The following CFAP92 variants were observed in gnomAD, a reference collection of about 807,000 sequenced individuals.
CFAP92 encodes the protein uncharacterized protein CFAP92.
A neutral mutation model predicts 106.3 loss-of-function variants in CFAP92; 86 were observed. The ratio of observed to expected loss-of-function variants is 0.81; its 90% CI spans 0.68 to 0.97. The LOEUF (loss-of-function observed/expected upper bound fraction) is 0.97. CFAP92 is among the 50% of genes least tolerant of loss of function. CFAP92 has a pLI of 0.00. For missense variants in CFAP92, 1,204 were observed against 1,283.8 expected (o/e 0.94, Z 0.95); for synonymous variants, 477 against 506.4 (o/e 0.94, Z 0.78).
upstream of CFAP92, among the ~76,000 whole-genome samples, chr3:128,998,175 T>C (rs892587789): frequency 6.6e-6 from 1 of 152,250 alleles, no homozygotes; most frequent in African/African-American, 2.4e-5. Flanking sequence ...TGTTAAGAGT[T>C]CATTGTAAAT....
At chr3:128,915,036 A>G in intron 15 of CFAP92, 83 bp downstream of exon 15, 1 of 1,349,478 alleles carries the variant, frequency 7.4e-7, no homozygotes, top group Non-Finnish European at 1.0e-6. Flanking sequence ...CAAAATGGAT[A>G]CCACTGAAGA....
the CFAP92 span, among the ~76,000 whole-genome samples, chr3:129,022,943 A>C: frequency 0.13 from 19,400 of 152,274 alleles, 1,574 homozygotes; most frequent in South Asian, 0.26. Context: ...GGAGCTGAGA[A>C]GTCTCCAACT....
intron 7 of CFAP92, 55 bp downstream of exon 7, chr3:128,975,724 T>C (rs1943112161): frequency 7.5e-7 from 1 of 1,342,264 alleles, no homozygotes; most frequent in African/African-American, 1.5e-5. Flanking sequence ...AAATATTTCA[T>C]AATTATTCCA....
At chr3:128,930,685 A>G (rs1027741247) in intron 12 of CFAP92, among the ~76,000 whole-genome samples, 3 of 152,036 alleles carry the variant, frequency 2.0e-5, no homozygotes, top group African/African-American at 7.2e-5. Context: ...TGGGAGGCAG[A>G]TACCGCAGTG....
chr3:129,021,149 C>T, the CFAP92 span, among the ~76,000 whole-genome samples: 1 of 152,190 alleles, frequency 6.6e-6, no homozygotes, highest in African/African-American at 2.4e-5. Flanking sequence ...TATGACCAAG[C>T]ATCACCCCAA....
intron 15 of CFAP92, chr3:128,914,753 G>A: frequency 5.2e-6 from 1 of 193,540 alleles, no homozygotes; most frequent in Non-Finnish European, 1.1e-5. Flanking sequence ...GAAGCCCAGA[G>A]CCTCTGCCCC....
Position 128,910,641 on chromosome 3 carries a change from C to A in CFAP92, c.3281-308G>T, listed in dbSNP as rs148698216. The A allele has an allele frequency of 7.4e-5, 98 of 1,321,810 alleles. No homozygotes were observed. In the African/African-American group the frequency reaches 1.2e-3, roughly 17 times the overall value. The allele number at this position is 1,321,810 out of a possible 1,614,324, so 81.9% of individuals were successfully genotyped here. ...ACTCCTGTGCCAGGCCTTGTGACCCCTGCCATGCTACCCAGTTTGGCTGAT... is the reference window on the plus strand; with the variant it reads ...ACTCCTGTGCCAGGCCTTGTGACCCATGCCATGCTACCCAGTTTGGCTGAT... On this transcript the variant is annotated intron_variant, in intron 15 of 15. Coordinates refer to ENST00000645291, the MANE Select transcript of CFAP92 (RefSeq NM_001394090.1).
chr3:128,917,216 TTCAA>T (rs1936891300), intron 12 of CFAP92, among the ~76,000 whole-genome samples: 1 of 152,228 alleles, frequency 6.6e-6, no homozygotes, highest in Non-Finnish European at 1.5e-5. Flanking sequence ...CACATGGAAC[TTCAA>T]TCAATATTTC....
chr3:128,927,723 C>CA (rs569749049), intron 12 of CFAP92, among the ~76,000 whole-genome samples: 27,164 of 107,480 alleles, frequency 0.25, 3,233 homozygotes, highest in South Asian at 0.38. Context: ...GACTCTGTCT[C>CA]AAAAAAAAAA....
intron 9 of CFAP92, among the ~76,000 whole-genome samples, chr3:128,959,398 C>A (rs959948651): frequency 3.3e-5 from 5 of 151,916 alleles, no homozygotes; most frequent in African/African-American, 1.2e-4. Flanking sequence ...AACTACCAGT[C>A]ATGTGTAAGG....
upstream of CFAP92, among the ~76,000 whole-genome samples, chr3:129,003,087 A>G (rs528689288): frequency 6.6e-6 from 1 of 152,340 alleles, no homozygotes; most frequent in East Asian, 1.9e-4. Context: ...ACAACAGGCC[A>G]GGAAGAAACT....
At chr3:129,002,567 A>C (rs1944843798) in intron 1 of CFAP92, 2 of 677,350 alleles carry the variant, frequency 3.0e-6, no homozygotes, top group Non-Finnish European at 4.4e-6. Context: ...CACTCAAACA[A>C]CCATACCCCA....
At position 128,909,939 on chromosome 3, in the gene CFAP92, G is replaced by A; in HGVS notation, c.*360C>T. 6.3e-7 allele frequency: 1 copy of A among 1,579,176 alleles called. No individual in the cohort carries two copies. Among genetic ancestry groups the A allele is most frequent in the Non-Finnish European group, 8.6e-7 (1 of 1,160,820 alleles). On this transcript the variant is annotated 3_prime_UTR_variant, in exon 16 of 16. Transcript: ENST00000645291. ...TCAAGGAACACAGGAGACTAAGACA[G>A]GCAAAGATGCAGCCCAGGGAGGGAC... is the stretch of plus-strand genomic sequence containing the variant.
chr3:128,990,275 T>C (rs1026700532), intron 2 of CFAP92, among the ~76,000 whole-genome samples: 2 of 152,230 alleles, frequency 1.3e-5, no homozygotes, highest in Non-Finnish European at 2.9e-5. Context: ...GGCAGGAGGA[T>C]GATCTGAGGT....
At position 128,915,431 on chromosome 3, in the gene CFAP92, CT is replaced by C; in HGVS notation, c.3048del (p.Val1017Ter). 6.5e-7 allele frequency: 1 copy of C among 1,536,174 alleles called. No individual in the cohort carries two copies. The highest frequency in any genetic ancestry group is 1.2e-5 in the South Asian group (1 of 84,064). On this transcript the variant is annotated frameshift_variant, in exon 14 of 16. Coordinates refer to ENST00000645291, the MANE Select transcript of CFAP92 (RefSeq NM_001394090.1). LOFTEE classifies it high-confidence loss of function. The part of the protein sequence containing the change: ...RQAWLTARGF[Q>X]VTGLQSDTES... ...TCGGTGTCGCTCTGAAGACCTGTCACTTGGAATCCCCTGGCTGTGAGCCAGG... is the reference window on the plus strand; with the variant it reads ...TCGGTGTCGCTCTGAAGACCTGTCACTGGAATCCCCTGGCTGTGAGCCAGG...
intron 7 of CFAP92, among the ~76,000 whole-genome samples, chr3:128,975,190 A>G (rs1294420147): frequency 6.6e-6 from 1 of 152,196 alleles, no homozygotes; most frequent in African/African-American, 2.4e-5. Flanking sequence ...TTCCATAAAC[A>G]TGATTCTTTT....
Position 128,935,125 on chromosome 3 carries a change from C to T in CFAP92, c.2453G>A (p.Arg818Lys). 6.6e-7 allele frequency: 1 copy of T among 1,515,350 alleles called. No individual in the cohort carries two copies. The highest frequency in any genetic ancestry group is 8.8e-7 in the Non-Finnish European group (1 of 1,133,534). The allele number at this position is 1,515,350 out of a possible 1,614,324, so 93.9% of individuals were successfully genotyped here. The change falls in exon 11 of 16, where the codon AGG becomes AAG. Residue 818 changes from arginine (R) to lysine (K), a missense_variant and splice_region_variant. Arg to Lys is a conservative substitution (Grantham distance 26, BLOSUM62 2). Coordinates refer to ENST00000645291, the MANE Select transcript of CFAP92 (RefSeq NM_001394090.1). ...ERRRVFQALA[R>K]IHDICYNSTT... ...CCACATGCGAGCTGCCACTGCCCAC[C>T]TGGCTAGAGCCTGGAAGACCCGCCT... is the stretch of plus-strand genomic sequence containing the variant.
rs755898438 is a variant in CFAP92, at chr3:128,993,180, C to CTGGCCT, written c.119_124dup (p.Lys40_Ala41dup). 2.5e-6 allele frequency: 4 copies of CTGGCCT among 1,614,076 alleles called. No homozygotes were observed. The highest frequency in any genetic ancestry group is 1.7e-5 in the Admixed American group (1 of 60,034). The stretch of plus-strand genomic sequence containing the variant: ...GCGGTCAGAGTCAGACTCCTGGGCC[C>CTGGCCT]TGGCCTTGGCCTTCAGGTGTTCCTC... On this transcript the variant is annotated inframe_insertion, in exon 2 of 16. Coordinates refer to ENST00000645291, the MANE Select transcript of CFAP92 (RefSeq NM_001394090.1).
the CFAP92 span, among the ~76,000 whole-genome samples, chr3:129,026,535 C>T: frequency 6.6e-6 from 1 of 152,196 alleles, no homozygotes; most frequent in Non-Finnish European, 1.5e-5. Flanking sequence ...GCAGTTCCTG[C>T]GAGAAAGTTG....
Sources: gnomAD v4.1 joint callset for allele counts (sites outside exome capture counted in the v4.1 genomes callset) on GRCh38, gnomAD v4.1.1 for gene constraint, MANE v1.5 for transcripts, NCBI Gene and HGNC (gene_info 2026-07-23, HGNC 2026-07-21) for gene names.